Variants in DLG2 observed in about 807,000 individuals in gnomAD.
The protein encoded by DLG2 is disks large homolog 2.
A neutral mutation model predicts 132.5 loss-of-function variants in DLG2; 45 were observed. The observed-to-expected ratio is 0.34, with a 90% CI of 0.27 to 0.44. The LOEUF (loss-of-function observed/expected upper bound fraction) is 0.44. Among genes scored for constraint, DLG2 ranks in the 20% least tolerant of loss-of-function variants. The pLI, the probability that DLG2 is intolerant of heterozygous loss-of-function variation, is 1.00. For synonymous variants in DLG2, 424 were observed against 419.6 expected (o/e 1.01, Z -0.13); for missense variants, 1,045 against 1,196.9 (o/e 0.87, Z 1.87).
chr11:84,416,684 A>G (rs939823881), intron 7 of DLG2, among the ~76,000 whole-genome samples: 9 of 152,236 alleles, frequency 5.9e-5, no homozygotes, highest in African/African-American at 2.2e-4. Flanking sequence ...TTGAGTTTCC[A>G]TATACATAAA....
chr11:83,694,118 A>C (rs2081459340), intron 18 of DLG2, among the ~76,000 whole-genome samples: 1 of 152,206 alleles, frequency 6.6e-6, no homozygotes, highest in South Asian at 2.1e-4. Context: ...AGGTTAAGCA[A>C]AGCCGTGTCC....
chr11:84,805,336 T>A (rs577778015), intron 6 of DLG2, among the ~76,000 whole-genome samples: 1 of 151,864 alleles, frequency 6.6e-6, no homozygotes, highest in Non-Finnish European at 1.5e-5. Flanking sequence ...ATGTACAGAA[T>A]TACATAGAAA....
chr11:85,074,139 G>T (rs371883168), intron 6 of DLG2, among the ~76,000 whole-genome samples: 1 of 151,720 alleles, frequency 6.6e-6, no homozygotes, highest in East Asian at 1.9e-4. Context: ...TACCTATCAG[G>T]TGCTATGCTC....
intron 9 of DLG2, among the ~76,000 whole-genome samples, chr11:84,123,151 T>C (rs1316084960): frequency 6.6e-6 from 1 of 152,226 alleles, no homozygotes; most frequent in African/African-American, 2.4e-5. Flanking sequence ...ATATGTTTCA[T>C]TGGTAAGATA....
At chr11:84,421,496 A>G (rs963846587) in intron 7 of DLG2, among the ~76,000 whole-genome samples, 2 of 152,150 alleles carry the variant, frequency 1.3e-5, no homozygotes, top group Non-Finnish European at 2.9e-5. Flanking sequence ...CTAAAGTTTG[A>G]GAATACTGTA....
intron 6 of DLG2, among the ~76,000 whole-genome samples, chr11:84,768,375 G>T (rs554990415): frequency 1.3e-5 from 2 of 152,168 alleles, no homozygotes; most frequent in African/African-American, 4.8e-5. Flanking sequence ...AAATGTAAAA[G>T]AATTAGTATT....
At chr11:84,903,124 ACTC>A in intron 6 of DLG2, among the ~76,000 whole-genome samples, 1 of 152,134 alleles carries the variant, frequency 6.6e-6, no homozygotes, top group Non-Finnish European at 1.5e-5. Context: ...TGGTCAGAAC[ACTC>A]CTCTATTTCA....
intron 9 of DLG2, among the ~76,000 whole-genome samples, chr11:84,101,291 C>G (rs1465824140): frequency 6.6e-6 from 1 of 152,024 alleles, no homozygotes; most frequent in Non-Finnish European, 1.5e-5. Context: ...GTATGCCACA[C>G]CCAAGGAACA....
chr11:85,163,180 C>A lies in DLG2; in HGVS notation c.187-8529G>T, dbSNP rs150307078. ...GACCTTGTGATTGTGTGAGTTAATA[C>A]TTAATAAACTCCCCTTTATATATAT... is the stretch of plus-strand genomic sequence containing the variant. On this transcript the variant is annotated intron_variant, in intron 4 of 27. Coordinates refer to ENST00000376104, the MANE Select transcript of DLG2 (RefSeq NM_001142699.3). 2.9e-3 allele frequency among the ~76,000 whole-genome samples: 440 copies of A among 151,626 alleles called. 3 individuals are homozygous for A. The highest frequency in any genetic ancestry group is 0.01 in the African/African-American group (425 of 41,284).
At chr11:84,972,833 T>A (rs1319844978) in intron 6 of DLG2, among the ~76,000 whole-genome samples, 1 of 152,200 alleles carries the variant, frequency 6.6e-6, no homozygotes, top group Non-Finnish European at 1.5e-5. Flanking sequence ...TGTTTCTCTC[T>A]TCCAGCTTGT....
At chr11:85,453,965 G>T (rs1451383249) in intron 3 of DLG2, among the ~76,000 whole-genome samples, 2 of 152,000 alleles carry the variant, frequency 1.3e-5, no homozygotes, top group East Asian at 1.9e-4. Context: ...GGTGTCTGTT[G>T]TTCCCCTTTG....
At chr11:83,906,470 G>C (rs2075003787) in intron 15 of DLG2, among the ~76,000 whole-genome samples, 1 of 151,990 alleles carries the variant, frequency 6.6e-6, no homozygotes, top group Non-Finnish European at 1.5e-5. Flanking sequence ...GAGGAGGTAA[G>C]CCTCATAAGA....
intron 10 of DLG2, among the ~76,000 whole-genome samples, chr11:84,062,168 A>G (rs11602701): frequency 0.81 from 123,187 of 152,082 alleles, 50,727 homozygotes; most frequent in Middle Eastern, 0.93. Flanking sequence ...TGAGAAAATC[A>G]TAGCCTAAAT....
chr11:84,034,294 T>C (rs973224125), intron 11 of DLG2, among the ~76,000 whole-genome samples: 1 of 152,206 alleles, frequency 6.6e-6, no homozygotes, highest in Admixed American at 6.5e-5. Context: ...AAGTATTTTT[T>C]AATTAAGGTT....
rs1368621985 is a variant in DLG2, at chr11:84,097,371, C to T, written c.749+1552G>A. Among the ~76,000 whole-genome samples the T allele has an allele frequency of 2.0e-5, 3 of 152,146 alleles. No individual in the cohort carries two copies. The East Asian group carries it at 5.8e-4, about 29-fold the overall frequency. ...CTTGATAATTTATCAGCTTGGCCTG[C>T]CTTCAACAAGAATCCTGCCAAGTCC... is the stretch of plus-strand genomic sequence containing the variant. On this transcript the variant is annotated intron_variant, in intron 10 of 27. Coordinates refer to ENST00000376104, the MANE Select transcript of DLG2 (RefSeq NM_001142699.3).
At position 84,821,495 on chromosome 11, in the gene DLG2, A is replaced by G. The variant is rs376206126; in HGVS notation, c.358-286764T>C. Reference sequence around the variant, plus strand: ...GTTATGTCACATTCATGTTTCACAAAATATTATTTTAGATTGTTTTTCAAC... The same window carrying G: ...GTTATGTCACATTCATGTTTCACAAGATATTATTTTAGATTGTTTTTCAAC... On this transcript the variant is annotated intron_variant, in intron 6 of 27. Coordinates refer to ENST00000376104, the MANE Select transcript of DLG2 (RefSeq NM_001142699.3). Among the ~76,000 whole-genome samples the G allele has an allele frequency of 2.5e-4, 38 of 151,792 alleles. 1 individual carries two copies. In the South Asian group the frequency reaches 7.9e-3, roughly 31 times the overall value.
chr11:85,161,821 A>C (rs1345651322), intron 4 of DLG2, among the ~76,000 whole-genome samples: 1 of 152,202 alleles, frequency 6.6e-6, no homozygotes, highest in Non-Finnish European at 1.5e-5. Flanking sequence ...GGGCTTGGCC[A>C]AAGTTCTCAA....
At chr11:84,178,823 G>A (rs1304724543) in intron 8 of DLG2, among the ~76,000 whole-genome samples, 1 of 151,962 alleles carries the variant, frequency 6.6e-6, no homozygotes, top group Non-Finnish European at 1.5e-5. Flanking sequence ...TCTAGCATGT[G>A]ACTAAATGTT....
At chr11:84,958,197 C>T (rs2051986013) in intron 6 of DLG2, among the ~76,000 whole-genome samples, 1 of 152,146 alleles carries the variant, frequency 6.6e-6, no homozygotes, top group Non-Finnish European at 1.5e-5. Context: ...ATCCTTCTTA[C>T]TGGCCCTTTA....
Sources: allele counts gnomAD v4.1 joint callset (sites outside exome capture counted in the v4.1 genomes callset), GRCh38; gene constraint gnomAD v4.1.1; transcripts MANE v1.5; gene names NCBI Gene and HGNC (gene_info 2026-07-23, HGNC 2026-07-21).